COL10A1: variants seen among roughly 807,000 people sequenced by gnomAD.
The protein encoded by COL10A1 is collagen type X alpha 1 chain, also known as collagen alpha-1(X) chain.
A neutral mutation model predicts 18.2 loss-of-function variants in COL10A1; 10 were observed. The observed-to-expected ratio is 0.55, with a 90% CI of 0.34 to 0.93. The LOEUF (loss-of-function observed/expected upper bound fraction) is 0.93. COL10A1 is among the 40% of genes least tolerant of loss of function. The probability of loss-of-function intolerance (pLI) is 0.02; values close to 1 mark genes in which losing one functional copy is unlikely to be tolerated. For synonymous variants in COL10A1, 330 were observed against 316.6 expected (o/e 1.04, Z -0.45); for missense variants, 897 against 853.5 (o/e 1.05, Z -0.64).
chr6:116,134,613 G>T (rs974081342), intron 1 of COL10A1, among the ~76,000 whole-genome samples: 3 of 152,136 alleles, frequency 2.0e-5, no homozygotes, highest in Non-Finnish European at 4.4e-5. Flanking sequence ...AGGGCCATTC[G>T]CATGGTGCTG....
Position 116,123,417 on chromosome 6 carries a change from A to G in COL10A1, c.155-1456T>C, listed in dbSNP as rs1007742739. On this transcript the variant is annotated intron_variant, in intron 2 of 2. Transcript: ENST00000651968. ...CTTCATTCAAGATTAGGGTGGCACA[A>G]TCCTCAAGGTAAAACGACTACTTCC... Among the ~76,000 whole-genome samples, 14 of 152,352 alleles carry G rather than the reference A, an allele frequency of 9.2e-5. 1 individual carries two copies. The highest frequency in any genetic ancestry group is 4.6e-4 in the Admixed American group (7 of 15,308).
chr6:116,154,109 T>C (rs1780121443), intron 1 of COL10A1, among the ~76,000 whole-genome samples: 1 of 151,496 alleles, frequency 6.6e-6, no homozygotes, highest in Non-Finnish European at 1.5e-5. Context: ...AAAACATGGC[T>C]CTCAAATCAG....
chr6:116,141,398 C>T (rs1305973606), intron 1 of COL10A1, among the ~76,000 whole-genome samples: 1 of 151,852 alleles, frequency 6.6e-6, no homozygotes, highest in African/African-American at 2.4e-5. Context: ...TATGTGTTAT[C>T]TGCAGTTAAC....
At position 116,120,698 on chromosome 6, in the gene COL10A1, C is replaced by A; in HGVS notation, c.1418G>T (p.Gly473Val). The change falls in exon 3 of 3, where the codon GGT becomes GTT. Residue 473 changes from glycine (G) to valine (V), a missense_variant. Gly to Val is a moderately radical substitution (Grantham distance 109). Coordinates refer to ENST00000651968, the MANE Select transcript of COL10A1 (RefSeq NM_000493.4). ...TGCTATGCCAGCTGGGCCAGGAGGACCGGGACTTCCTGGATCCCCTTTAGA... is the reference window on the plus strand; with the variant it reads ...TGCTATGCCAGCTGGGCCAGGAGGAACGGGACTTCCTGGATCCCCTTTAGA... Reference protein sequence around the residue: ...PGSKGDPGSPGPPGPAGIATK... With the variant: ...PGSKGDPGSPVPPGPAGIATK... 6.4e-7 allele frequency: 1 copy of A among 1,553,670 alleles called. No homozygotes were observed. The highest frequency in any genetic ancestry group is 8.6e-7 in the Non-Finnish European group (1 of 1,156,528).
At chr6:116,182,941 T>C in the COL10A1 span, among the ~76,000 whole-genome samples, 1 of 152,140 alleles carries the variant, frequency 6.6e-6, no homozygotes, top group African/African-American at 2.4e-5. Flanking sequence ...GATCATGAAG[T>C]CTTTGCCTAA....
chr6:116,145,814 A>G (rs796717343), intron 1 of COL10A1, among the ~76,000 whole-genome samples: 3 of 152,218 alleles, frequency 2.0e-5, no homozygotes, highest in South Asian at 2.1e-4. Context: ...TAGCAGTAAT[A>G]TAGCTCAAAA....
chr6:116,216,809 C>T, the COL10A1 span, among the ~76,000 whole-genome samples: 1 of 152,124 alleles, frequency 6.6e-6, no homozygotes, highest in Non-Finnish European at 1.5e-5. Context: ...AAAGAAGTTT[C>T]TTCTTTTAAG....
At chr6:116,130,427 T>C (rs1398968637), upstream of COL10A1, among the ~76,000 whole-genome samples, 4 of 151,684 alleles carry the variant, frequency 2.6e-5, no homozygotes, top group Non-Finnish European at 5.9e-5. Flanking sequence ...GCTCCTGAGT[T>C]CTTTTGACCA....
the COL10A1 span, among the ~76,000 whole-genome samples, chr6:116,182,368 G>C: frequency 6.6e-6 from 1 of 151,914 alleles, no homozygotes; most frequent in African/African-American, 2.4e-5. Flanking sequence ...TATCTGTTTT[G>C]TATAATGACT....
At chr6:116,211,384 T>TA in the COL10A1 span, among the ~76,000 whole-genome samples, 1 of 152,034 alleles carries the variant, frequency 6.6e-6, no homozygotes, top group African/African-American at 2.4e-5. Context: ...TGTGCAGCAA[T>TA]AAAAAACCCA....
upstream of COL10A1, among the ~76,000 whole-genome samples, chr6:116,129,121 G>A (rs1239589194): frequency 2.6e-5 from 4 of 152,020 alleles, no homozygotes; most frequent in African/African-American, 9.7e-5. Context: ...AAGAGAAGGA[G>A]TCTTTTTTCT....
chr6:116,166,568 A>ATCAGGCC, the COL10A1 span, among the ~76,000 whole-genome samples: 1 of 152,326 alleles, frequency 6.6e-6, no homozygotes, highest in East Asian at 1.9e-4. Flanking sequence ...AACTCCTGGC[A>ATCAGGCC]TCGATCTCCA....
chr6:116,127,022 AGGTG>A (rs1204901637), upstream of COL10A1, among the ~76,000 whole-genome samples: 1 of 152,148 alleles, frequency 6.6e-6, no homozygotes, highest in Non-Finnish European at 1.5e-5. Flanking sequence ...AATCTAATAA[AGGTG>A]GGAAGTTGAG....
At position 116,121,380 on chromosome 6, in the gene COL10A1, T is replaced by C. The variant is rs1779119434; in HGVS notation, c.736A>G (p.Ile246Val). ...GGGCCTTGGGGACCTGGTGGGCCAA[T>C]TGGTCCCATTTCTCCCGGAAAACCT... ...DRGFPGEMGP[I>V]GPPGPQGPPG... Residue 246 changes from isoleucine (I) to valine (V), a missense_variant, in exon 3 of 3, where the codon ATT becomes GTT. Transcript: ENST00000651968. 1 of 1,613,800 alleles carries C rather than the reference T, an allele frequency of 6.2e-7. No individual in the cohort carries two copies. Among genetic ancestry groups the C allele is most frequent in the South Asian group, 1.1e-5 (1 of 91,058 alleles).
the COL10A1 span, among the ~76,000 whole-genome samples, chr6:116,188,714 T>TG: frequency 6.6e-6 from 1 of 151,674 alleles, no homozygotes; most frequent in African/African-American, 2.4e-5. Context: ...TACTTTTTTT[T>TG]TTTTTACCTG....
intron 1 of COL10A1, among the ~76,000 whole-genome samples, chr6:116,133,631 C>T (rs1379305654): frequency 6.6e-6 from 1 of 152,146 alleles, no homozygotes; most frequent in Non-Finnish European, 1.5e-5. Context: ...AATGAAAATA[C>T]ATCCCAGTAA....
upstream of COL10A1, among the ~76,000 whole-genome samples, chr6:116,161,885 G>A (rs1780341180): frequency 6.6e-6 from 1 of 152,090 alleles, no homozygotes; most frequent in Non-Finnish European, 1.5e-5. Flanking sequence ...CCATCTGTTT[G>A]TGTCATCTAC....
chr6:116,120,848 G>A lies in COL10A1; in HGVS notation c.1268C>T (p.Pro423Leu), dbSNP rs140265850. The A allele has an allele frequency of 3.7e-6, 6 of 1,613,944 alleles. No homozygotes were observed. In the African/African-American group the frequency reaches 8.0e-5, roughly 22 times the overall value. ...GVGGPPGLPG[P>L]VGPAGAKGMP... is the part of the protein sequence containing the mutation. ...TCCCTTTGCTCCTGCTGGGCCCACA[G>A]GGCCTGGGAGACCAGGAGGTCCTCC... The change falls in exon 3 of 3, where the codon CCT becomes CTT. Residue 423 changes from proline to leucine, a missense_variant. Physicochemically the swap from Pro to Leu is moderately conservative, Grantham distance 98 (BLOSUM62 -3). Transcript: ENST00000651968.
chr6:116,193,908 A>G, the COL10A1 span, among the ~76,000 whole-genome samples: 5 of 151,958 alleles, frequency 3.3e-5, no homozygotes, highest in South Asian at 1.0e-3. Flanking sequence ...TACAAAAAAT[A>G]CAGAAAGTAG....
Sources: allele counts gnomAD v4.1 joint callset (sites outside exome capture counted in the v4.1 genomes callset), GRCh38; gene constraint gnomAD v4.1.1; transcripts MANE v1.5; gene names NCBI Gene and HGNC (gene_info 2026-07-23, HGNC 2026-07-21).